Variants in NCOR2 observed in about 807,000 individuals in gnomAD.
NCOR2 encodes CTG repeat protein 26.
In NCOR2, 81 loss-of-function variants were observed where a neutral mutation model predicts 262.9. The ratio of observed to expected loss-of-function variants is 0.31; its 90% CI spans 0.26 to 0.37. NCOR2 has a LOEUF of 0.37. Among genes scored for constraint, NCOR2 ranks in the 10% least tolerant of loss-of-function variants. The probability of loss-of-function intolerance (pLI) is 1.00; values close to 1 mark genes in which losing one functional copy is unlikely to be tolerated. For missense variants in NCOR2, 3,385 were observed against 3,621.4 expected (o/e 0.93, Z 1.68); for synonymous variants, 1,659 against 1,559.3 (o/e 1.06, Z -1.51).
At position 124,341,890 on chromosome 12, in the gene NCOR2, A is replaced by G. The variant is rs751665219; in HGVS notation, c.5121T>C (p.Ala1707=). The G allele has an allele frequency of 3.7e-6, 6 of 1,612,656 alleles. No homozygotes were observed. The South Asian group carries it at 6.6e-5, about 18-fold the overall frequency. Residue 1707 remains alanine (A), a synonymous_variant, in exon 34 of 47, where the codon GCT becomes GCC. Coordinates refer to ENST00000405201, the Ensembl canonical transcript of NCOR2. ...GGGGCGAGAGGCCCCTCAGCATATC[A>G]GCTCGCTGGGCCATGGCGGTGGCCG...
rs2041075440 is a variant in NCOR2, at chr12:124,389,137, C to T, written c.1877-3250G>A. 6.6e-6 allele frequency among the ~76,000 whole-genome samples: 1 copy of T among 152,242 alleles called. No homozygotes were observed. Among genetic ancestry groups the T allele is most frequent in the African/African-American group, 2.4e-5 (1 of 41,462 alleles). Reference sequence around the variant, plus strand: ...TGGGCCAGGTATCACCGGGGCGCAGCGTGCCGAGCTCCTCCAGCACCAATG... The same window carrying T: ...TGGGCCAGGTATCACCGGGGCGCAGTGTGCCGAGCTCCTCCAGCACCAATG... On this transcript the variant is annotated intron_variant, in intron 16 of 46. Coordinates refer to ENST00000405201, the Ensembl canonical transcript of NCOR2. The surrounding 1 kb of genome is among the most constrained non-coding windows in gnomAD (Gnocchi z 4.4).
At chr12:124,486,683 G>A (rs1048884880) in intron 1 of NCOR2, 115 bp from the exon 4 acceptor site, 3 of 1,325,128 alleles carry the variant, frequency 2.3e-6, no homozygotes, top group African/African-American at 1.5e-5. Context: ...CCTGCCCTAG[G>A]CAGATAAGCC....
In NCOR2 at chr12:124,337,821, G is replaced by A. The variant is rs527457724; in HGVS notation, c.5688-641C>T. ...CAGGGCTGGGGCTGGAACAGGAGCC[G>A]GCTGCTCCACCCACGTGGCCTTCCC... On this transcript the variant is annotated intron_variant, in intron 37 of 46. Transcript: ENST00000405201. Among the ~76,000 whole-genome samples the A allele has an allele frequency of 3.9e-5, 6 of 152,378 alleles. 1 individual carries two copies. The East Asian group carries it at 5.8e-4, about 15-fold the overall frequency.
intron 31 of NCOR2, among the ~76,000 whole-genome samples, chr12:124,345,626 CTT>C (rs1361946527): frequency 6.6e-6 from 1 of 152,208 alleles, no homozygotes; most frequent in Non-Finnish European, 1.5e-5. Context: ...GGGAACTGCC[CTT>C]GTTTTTCAAA....
At position 124,440,821 on chromosome 12, in the gene NCOR2, G is replaced by A. The variant is rs1830906375; in HGVS notation, c.816-2825C>T. Among the ~76,000 whole-genome samples the A allele has an allele frequency of 6.6e-6, 1 of 152,194 alleles. No homozygotes were observed. ...AAGATCTCCCAGAGAGGATGGCCTTGAGCTGGGATCTACGTCATCAGAAGG... is the reference window on the plus strand; with the variant it reads ...AAGATCTCCCAGAGAGGATGGCCTTAAGCTGGGATCTACGTCATCAGAAGG... On this transcript the variant is annotated intron_variant, in intron 7 of 46. Coordinates refer to ENST00000405201, the Ensembl canonical transcript of NCOR2. The surrounding 1 kb of genome is among the most constrained non-coding windows in gnomAD (Gnocchi z 5.7).
At position 124,566,696 on chromosome 12, in the gene NCOR2, G is replaced by A. The variant is rs1330262252; in HGVS notation, c.-165+612C>T. Among the ~76,000 whole-genome samples, 1 of 152,238 alleles carries A rather than the reference G, an allele frequency of 6.6e-6. No individual in the cohort carries two copies. The highest frequency in any genetic ancestry group is 1.5e-5 in the Non-Finnish European group (1 of 68,032). On this transcript the variant is annotated intron_variant, in intron 1 of 32. Coordinates refer to the NCOR2 transcript ENST00000458234. This position sits in a 1 kb window ranked among gnomAD's most constrained non-coding sequence, Gnocchi z 4.3. ...GAGGCGTCACCAGCCACGGGAGGCAGGCCCAGACACCAGGAACACCGGCCC... is the reference window on the plus strand; with the variant it reads ...GAGGCGTCACCAGCCACGGGAGGCAAGCCCAGACACCAGGAACACCGGCCC...
intron 1 of NCOR2, among the ~76,000 whole-genome samples, chr12:124,509,787 C>T (rs891758107): frequency 1.3e-5 from 2 of 152,040 alleles, no homozygotes; most frequent in Non-Finnish European, 2.9e-5. Flanking sequence ...AAAGAGCAGG[C>T]GGCAGCTTTG....
chr12:124,554,055 C>T (rs1047452572), intron 1 of NCOR2, among the ~76,000 whole-genome samples: 1 of 152,238 alleles, frequency 6.6e-6, no homozygotes, highest in Non-Finnish European at 1.5e-5. Context: ...GGAGCCAGGG[C>T]CCCGGGGCAG....
intron 1 of NCOR2, among the ~76,000 whole-genome samples, chr12:124,528,386 G>A (rs1357142915): frequency 6.6e-6 from 1 of 152,174 alleles, no homozygotes; most frequent in African/African-American, 2.4e-5. Context: ...TCCCCGAAAA[G>A]TCATCTTAGC....
chr12:124,551,425 G>A (rs556017517), intron 1 of NCOR2, among the ~76,000 whole-genome samples: 43 of 152,334 alleles, frequency 2.8e-4, no homozygotes, highest in African/African-American at 8.9e-4. Flanking sequence ...ACAGAGGCTC[G>A]TGGAAAAGCC....
At chr12:124,411,681 A>G (rs917139882) in intron 13 of NCOR2, among the ~76,000 whole-genome samples, 1 of 152,234 alleles carries the variant, frequency 6.6e-6, no homozygotes, top group African/African-American at 2.4e-5. Flanking sequence ...CCCTTCCATC[A>G]ATGAATCATG....
chr12:124,354,284 AC>A, intron 26 of NCOR2, 88 bp from the exon 29 acceptor site: 1 of 1,350,692 alleles, frequency 7.4e-7, no homozygotes, highest in Non-Finnish European at 1.0e-6. Context: ...TGACTGAGAG[AC>A]CCACAAGTTG....
intron 37 of NCOR2, 78 bp downstream of exon 39, chr12:124,339,928 G>C: frequency 2.5e-6 from 1 of 404,254 alleles, no homozygotes; most frequent in Non-Finnish European, 4.1e-6. Context: ...CTCCCACCAA[G>C]CATCCTCTTA....
In NCOR2 at chr12:124,529,104, G is replaced by A. The variant is rs543794412; in HGVS notation, c.-118+6461C>T. 8.7e-5 allele frequency among the ~76,000 whole-genome samples: 13 copies of A among 148,762 alleles called. No individual in the cohort carries two copies. In the South Asian group the frequency reaches 1.9e-3, roughly 22 times the overall value. On this transcript the variant is annotated intron_variant, in intron 1 of 46. Transcript: ENST00000404621. ...TGAGGCAGGAGAATTGCTTGAACCC[G>A]GGAGGCGGAGGTTGCAGTGAGCCGA...
At chr12:124,437,323 A>C (rs569701793) in intron 8 of NCOR2, among the ~76,000 whole-genome samples, 20 of 152,234 alleles carry the variant, frequency 1.3e-4, no homozygotes, top group African/African-American at 4.3e-4. Flanking sequence ...GGCCGCCTGA[A>C]ACCACCACCA....
intron 22 of NCOR2, among the ~76,000 whole-genome samples, chr12:124,358,111 G>T (rs562893900): frequency 6.7e-6 from 1 of 149,414 alleles, no homozygotes; most frequent in East Asian, 2.0e-4. Flanking sequence ...GCGCACGTGC[G>T]TGCGTGTGAG....
At chr12:124,338,238 T>C (rs767814787) in intron 37 of NCOR2, among the ~76,000 whole-genome samples, 5 of 152,184 alleles carry the variant, frequency 3.3e-5, no homozygotes, top group Non-Finnish European at 5.9e-5. Context: ...CTGAGTGCGG[T>C]GGCGCACGCC....
chr12:124,423,434 G>C (rs1478940059), intron 11 of NCOR2, among the ~76,000 whole-genome samples: 3 of 152,218 alleles, frequency 2.0e-5, no homozygotes, highest in Admixed American at 1.3e-4. Flanking sequence ...CCAGATGGCT[G>C]GGCAGGAGGC....
intron 42 of NCOR2, 50 bp from the exon 45 acceptor site, chr12:124,332,517 T>C (rs1017211280): frequency 6.2e-7 from 1 of 1,611,930 alleles, no homozygotes; most frequent in African/African-American, 1.3e-5. Flanking sequence ...CGAGCTTGCA[T>C]GCCTTTGATG....
Sources: gnomAD v4.1 joint callset for allele counts (sites outside exome capture counted in the v4.1 genomes callset) on GRCh38, gnomAD v4.1.1 for gene constraint, Gnocchi (gnomAD v3.1) non-coding constraint, MANE v1.5 for transcripts, NCBI Gene and HGNC (gene_info 2026-07-23, HGNC 2026-07-21) for gene names.